The following SYNPR variants were observed in gnomAD, a reference collection of about 807,000 sequenced individuals.
SYNPR encodes synaptoporin.
SYNPR carries 23 observed loss-of-function variants against 32.9 expected under a neutral mutation model. The ratio of observed to expected loss-of-function variants is 0.70; its 90% confidence interval spans 0.50 to 0.99. The LOEUF is 0.99. Among genes scored for constraint, SYNPR ranks in the 50% least tolerant of loss-of-function variants. SYNPR has a pLI of 0.00. For missense variants in SYNPR, 318 were observed against 349.3 expected, an observed-to-expected ratio of 0.91 and a Z score of 0.71; for synonymous variants, 146 against 135.9, an observed-to-expected ratio of 1.07 and a Z score of -0.52.
intron 4 of SYNPR, among the ~76,000 whole-genome samples, chr3:63,603,167 A>T (rs1216872410): frequency 6.6e-6 from 1 of 152,150 alleles, no homozygotes; most frequent in East Asian, 1.9e-4. Context: ...GTGTATGGAA[A>T]TGCTACTGAT....
chr3:63,497,817 T>C (rs1701401356), intron 3 of SYNPR, among the ~76,000 whole-genome samples: 1 of 152,194 alleles, frequency 6.6e-6, no homozygotes, highest in African/African-American at 2.4e-5. Flanking sequence ...CAAGACTAAA[T>C]GAAAATGTAA....
intron 2 of SYNPR, among the ~76,000 whole-genome samples, chr3:63,436,366 CGTT>C (rs1700085750): frequency 7.3e-6 from 1 of 137,440 alleles, no homozygotes; most frequent in African/African-American, 2.7e-5. Flanking sequence ...CAGTATGTGA[CGTT>C]CCCCTTCCTG....
intron 3 of SYNPR, among the ~76,000 whole-genome samples, chr3:63,522,215 G>C (rs1360059825): frequency 6.6e-6 from 1 of 152,190 alleles, no homozygotes; most frequent in Non-Finnish European, 1.5e-5. Context: ...CTCAAAAAAA[G>C]GGCTAACGTG....
At chr3:63,349,129 G>T (rs1365901839) in intron 2 of SYNPR, among the ~76,000 whole-genome samples, 6 of 151,330 alleles carry the variant, frequency 4.0e-5, no homozygotes, top group African/African-American at 1.2e-4. Flanking sequence ...TTGAGATGGA[G>T]TCTCTCTCTA....
rs557908939 is a variant in SYNPR at position 63,325,564 on chromosome 3, G to C, written c.84+46822G>C. Among the ~76,000 whole-genome samples the C allele has an allele frequency of 8.5e-5, 13 of 152,198 alleles. No individual in the cohort carries two copies. The East Asian group carries it at 2.5e-3, about 30-fold the overall frequency. Reference sequence around the variant, plus strand: ...TGGTGACAGTAGGGAGTGGCTAGCTGGTTCTCCATCTGGACCTGGCAGGGC... The same window carrying C: ...TGGTGACAGTAGGGAGTGGCTAGCTCGTTCTCCATCTGGACCTGGCAGGGC... On this transcript the variant is annotated intron_variant, in intron 2 of 5. Transcript: ENST00000478300.
At chr3:63,549,393 G>A (rs1702463351) in intron 3 of SYNPR, among the ~76,000 whole-genome samples, 1 of 152,130 alleles carries the variant, frequency 6.6e-6, no homozygotes, top group Non-Finnish European at 1.5e-5. Context: ...AGAGAGGCAG[G>A]TATGCGCAGT....
chr3:63,323,362 G>GC (rs1398184290), intron 2 of SYNPR, among the ~76,000 whole-genome samples: 3 of 151,898 alleles, frequency 2.0e-5, no homozygotes, highest in African/African-American at 7.2e-5. Flanking sequence ...GGGCCTTATG[G>GC]CAAAAAGGGA....
At chr3:63,536,550 A>G (rs1043207986) in intron 3 of SYNPR, among the ~76,000 whole-genome samples, 1 of 152,194 alleles carries the variant, frequency 6.6e-6, no homozygotes, top group Non-Finnish European at 1.5e-5. Context: ...ACAGTTTGGC[A>G]GTTCCTCCAA....
intron 2 of SYNPR, among the ~76,000 whole-genome samples, chr3:63,262,319 G>T (rs1206059531): frequency 1.3e-5 from 2 of 152,174 alleles, no homozygotes; most frequent in African/African-American, 2.4e-5. Flanking sequence ...AAGCACAGCT[G>T]GTTGGTTGGT....
At chr3:63,517,982 G>A (rs533403898) in intron 3 of SYNPR, among the ~76,000 whole-genome samples, 4 of 152,152 alleles carry the variant, frequency 2.6e-5, no homozygotes, top group Non-Finnish European at 5.9e-5. Flanking sequence ...CATAATGCAG[G>A]TTGGCAAGAA....
intron 5 of SYNPR, among the ~76,000 whole-genome samples, chr3:63,610,266 C>T (rs983118621): frequency 9.2e-5 from 14 of 152,040 alleles, no homozygotes; most frequent in African/African-American, 3.4e-4. Context: ...AGCAGGGACA[C>T]TAAATTGGAT....
At chr3:63,582,047 T>A (rs1406025774) in intron 4 of SYNPR, among the ~76,000 whole-genome samples, 1 of 152,108 alleles carries the variant, frequency 6.6e-6, no homozygotes, top group Non-Finnish European at 1.5e-5. Flanking sequence ...ATAAACTGAA[T>A]GAGAGTGGTC....
At chr3:63,442,525 C>T (rs1289217688) in intron 2 of SYNPR, among the ~76,000 whole-genome samples, 2 of 152,092 alleles carry the variant, frequency 1.3e-5, no homozygotes, top group Non-Finnish European at 2.9e-5. Flanking sequence ...TACAAATGCC[C>T]CCAACACACA....
intron 2 of SYNPR, among the ~76,000 whole-genome samples, chr3:63,376,173 G>A (rs929190256): frequency 3.3e-5 from 5 of 152,142 alleles, no homozygotes; most frequent in Non-Finnish European, 7.3e-5. Flanking sequence ...CATCTCTCAA[G>A]AAGGTTCCTG....
At chr3:63,255,406 C>A (rs2086373397) in intron 2 of SYNPR, among the ~76,000 whole-genome samples, 1 of 152,108 alleles carries the variant, frequency 6.6e-6, no homozygotes, top group Non-Finnish European at 1.5e-5. Context: ...CTGGGCCTGC[C>A]ATGTCAGGCC....
upstream of SYNPR, among the ~76,000 whole-genome samples, chr3:63,273,406 T>A (rs2086552454): frequency 6.6e-6 from 1 of 152,126 alleles, no homozygotes; most frequent in African/African-American, 2.4e-5. Flanking sequence ...GATGAGGAAA[T>A]TAAAGAATTT....
chr3:63,465,929 CG>C (rs954920559), intron 2 of SYNPR, among the ~76,000 whole-genome samples: 21 of 151,864 alleles, frequency 1.4e-4, no homozygotes, highest in African/African-American at 4.8e-4. Context: ...ATTTTAAGCT[CG>C]GGGGTATGTG....
At chr3:63,389,902 C>G (rs754679202) in intron 2 of SYNPR, among the ~76,000 whole-genome samples, 2 of 152,198 alleles carry the variant, frequency 1.3e-5, no homozygotes, top group Non-Finnish European at 2.9e-5. Flanking sequence ...TAAATAAAAG[C>G]TCTTTGGACT....
At chr3:63,255,129 GACAA>G (rs2086371121) in intron 2 of SYNPR, among the ~76,000 whole-genome samples, 1 of 152,154 alleles carries the variant, frequency 6.6e-6, no homozygotes. Flanking sequence ...CCCCTGTCGT[GACAA>G]ACAAACATCT....
Sources: allele counts gnomAD v4.1 joint callset (sites outside exome capture counted in the v4.1 genomes callset), GRCh38; gene constraint gnomAD v4.1.1; transcripts MANE v1.5; gene names NCBI Gene and HGNC (gene_info 2026-07-23, HGNC 2026-07-21).